The following NPSR1 variants were observed in gnomAD, a reference collection of about 807,000 sequenced individuals.
NPSR1 encodes the protein neuropeptide S receptor.
In NPSR1, 48 loss-of-function variants were observed where a neutral mutation model predicts 46.9. The observed-to-expected ratio is 1.02, with a 90% CI of 0.81 to 1.30. The LOEUF (loss-of-function observed/expected upper bound fraction) is 1.30, where lower values mean the gene tolerates loss of function less well. Ranked by LOEUF, NPSR1 falls within the 50% of genes most tolerant of loss-of-function variation. The pLI is 0.00. For synonymous variants in NPSR1, 176 were observed against 168.1 expected, an observed-to-expected ratio of 1.05 and a Z score of -0.36; for missense variants, 450 against 449.5, an observed-to-expected ratio of 1.00 and a Z score of -0.01.
chr7:34,846,674 C>T (rs113879835), intron 7 of NPSR1, among the ~76,000 whole-genome samples: 2 of 151,994 alleles, frequency 1.3e-5, no homozygotes, highest in Non-Finnish European at 2.9e-5. Flanking sequence ...AAAATGTAAG[C>T]GGTATTACTG....
intron 2 of NPSR1, among the ~76,000 whole-genome samples, chr7:34,694,350 A>G (rs1793409889): frequency 6.6e-6 from 1 of 152,200 alleles, no homozygotes; most frequent in African/African-American, 2.4e-5. Flanking sequence ...TAGCATGTCT[A>G]TACACCAGTA....
intron 4 of NPSR1, among the ~76,000 whole-genome samples, chr7:34,824,223 G>A (rs904467783): frequency 2.0e-5 from 3 of 152,110 alleles, no homozygotes; most frequent in Admixed American, 2.0e-4. Context: ...TTATTTGCTA[G>A]TGTTTCTATA....
chr7:34,812,121 G>A (rs1789014274), intron 4 of NPSR1, among the ~76,000 whole-genome samples: 1 of 152,124 alleles, frequency 6.6e-6, no homozygotes, highest in Non-Finnish European at 1.5e-5. Context: ...TAAGGAAGGT[G>A]GGTGGCTGAC....
chr7:34,849,098 T>C (rs888886058), intron 8 of NPSR1, among the ~76,000 whole-genome samples: 2 of 152,248 alleles, frequency 1.3e-5, no homozygotes, highest in Non-Finnish European at 2.9e-5. Flanking sequence ...CCCACAGTTA[T>C]TGTCATTCTT....
rs1314918927 is a variant in NPSR1, at chr7:34,871,012, T to C, written c.1026-7064T>C. On this transcript the variant is annotated intron_variant, in intron 8 of 8. Coordinates refer to the NPSR1 transcript ENST00000359791. ...AAAGCAGAAGTTGTGAATGGCTTAG[T>C]AGTGGAGGTGGCAAGTGAGATTATA... 6.6e-5 allele frequency among the ~76,000 whole-genome samples: 10 copies of C among 151,712 alleles called. 1 individual carries two copies. Among genetic ancestry groups the C allele is most frequent in the African/African-American group, 1.5e-4 (6 of 41,032 alleles).
At chr7:34,743,820 T>A (rs1283614562) in intron 2 of NPSR1, among the ~76,000 whole-genome samples, 1 of 152,194 alleles carries the variant, frequency 6.6e-6, no homozygotes, top group Non-Finnish European at 1.5e-5. Flanking sequence ...ACCAGGCTTG[T>A]CTAGTTATAT....
At chr7:34,779,926 G>A (rs1275101980) in intron 3 of NPSR1, 1 of 154,838 alleles carries the variant, frequency 6.5e-6, no homozygotes, top group East Asian at 1.9e-4. Context: ...GATGCTTTGT[G>A]GTACTGTAGT....
intron 1 of NPSR1, among the ~76,000 whole-genome samples, chr7:34,665,393 G>C (rs1321222453): frequency 6.6e-6 from 1 of 152,148 alleles, no homozygotes; most frequent in Non-Finnish European, 1.5e-5. Flanking sequence ...TACCTCAATA[G>C]GCAACAGAAA....
At chr7:34,804,443 G>T (rs1788587220) in intron 3 of NPSR1, among the ~76,000 whole-genome samples, 2 of 151,896 alleles carry the variant, frequency 1.3e-5, no homozygotes, top group Non-Finnish European at 2.9e-5. Flanking sequence ...TTCCATCAAT[G>T]GACACAGGAA....
chr7:34,850,418 T>C (rs1346471198), downstream of NPSR1, among the ~76,000 whole-genome samples: 1 of 150,044 alleles, frequency 6.7e-6, no homozygotes, highest in Non-Finnish European at 1.5e-5. Flanking sequence ...TTTTTTTTTT[T>C]TTGACAGAGT....
intron 3 of NPSR1, among the ~76,000 whole-genome samples, chr7:34,803,389 A>C (rs957568702): frequency 3.3e-5 from 5 of 152,190 alleles, no homozygotes; most frequent in African/African-American, 9.7e-5. Context: ...ATGCAACCAT[A>C]AAAAAGGATG....
intron 2 of NPSR1, among the ~76,000 whole-genome samples, chr7:34,689,620 A>AAAAAAAG (rs1793133895): frequency 1.1e-4 from 14 of 126,364 alleles, no homozygotes; most frequent in African/African-American, 2.8e-4. Flanking sequence ...AAAAAAAAAA[A>AAAAAAAG]AAAAAAAAAA....
intron 1 of NPSR1, among the ~76,000 whole-genome samples, chr7:34,669,131 G>T (rs775096212): frequency 1.8e-4 from 27 of 152,190 alleles, no homozygotes; most frequent in Non-Finnish European, 3.7e-4. Context: ...CCCAAAAGTT[G>T]TTCCACAGAA....
chr7:34,865,667 T>A lies in NPSR1; in HGVS notation c.1026-12409T>A, dbSNP rs997157739. Among the ~76,000 whole-genome samples the A allele has an allele frequency of 4.0e-5, 6 of 151,718 alleles. 1 individual carries two copies. Among genetic ancestry groups the A allele is most frequent in the African/African-American group, 9.8e-5 (4 of 40,998 alleles). On this transcript the variant is annotated intron_variant, in intron 8 of 8. Coordinates refer to the NPSR1 transcript ENST00000359791. ...TACTGTTTCTCAAGACACACCCCCC[T>A]TAGCATCCTTAGCAGGTATAAGACA...
rs138168521 is a variant in NPSR1 at position 34,767,014 on chromosome 7, A to G, written c.281-11448A>G. 5.7e-3 allele frequency among the ~76,000 whole-genome samples: 863 copies of G among 152,330 alleles called. 6 individuals carry two copies. Among genetic ancestry groups the G allele is most frequent in the African/African-American group, 0.017 (718 of 41,572 alleles). On this transcript the variant is annotated intron_variant, in intron 2 of 8. Coordinates refer to ENST00000360581, the MANE Select transcript of NPSR1 (RefSeq NM_207172.2). ...AAATGGGTGGGTAGGGAGTGTGGCT[A>G]TAAAGGGATAGCACAAGGGAATTTC...
chr7:34,792,597 AT>A (rs1416660000), intron 3 of NPSR1, among the ~76,000 whole-genome samples: 2 of 134,988 alleles, frequency 1.5e-5, no homozygotes, highest in African/African-American at 5.3e-5. Flanking sequence ...ATATACGTAT[AT>A]ATGTGTGTGT....
At chr7:34,796,732 G>A (rs541252162) in intron 3 of NPSR1, among the ~76,000 whole-genome samples, 1 of 152,262 alleles carries the variant, frequency 6.6e-6, no homozygotes, top group South Asian at 2.1e-4. Flanking sequence ...TTGCTAGTGG[G>A]AATACAAAAT....
At chr7:34,785,490 C>A (rs1787423702) in intron 3 of NPSR1, among the ~76,000 whole-genome samples, 1 of 150,494 alleles carries the variant, frequency 6.6e-6, no homozygotes, top group South Asian at 2.1e-4. Flanking sequence ...ATGTAACTAA[C>A]CTGCACATTG....
At chr7:34,833,103 T>TAC (rs750119876) in intron 5 of NPSR1, among the ~76,000 whole-genome samples, 4 of 152,180 alleles carry the variant, frequency 2.6e-5, no homozygotes, top group Non-Finnish European at 4.4e-5. Flanking sequence ...ACATTGCCAT[T>TAC]AATTAAGTTA....
Sources: gnomAD v4.1 joint callset for allele counts (sites outside exome capture counted in the v4.1 genomes callset) on GRCh38, gnomAD v4.1.1 for gene constraint, MANE v1.5 for transcripts, NCBI Gene and HGNC (gene_info 2026-07-23, HGNC 2026-07-21) for gene names.